The following RCC1L variants were observed in gnomAD, a reference collection of about 807,000 sequenced individuals.
RCC1L encodes RCC1 like, also known as RCC1-like G exchanging factor-like protein.
In RCC1L, 46 loss-of-function variants were observed where a neutral mutation model predicts 58.6. That is an observed-to-expected ratio of 0.79 (90% confidence interval 0.62 to 1.00). The LOEUF (loss-of-function observed/expected upper bound fraction) is 1.00. RCC1L is among the 50% of genes least tolerant of loss of function. RCC1L has a pLI of 0.00. For missense variants in RCC1L, 636 were observed against 623.6 expected, an observed-to-expected ratio of 1.02 and a Z score of -0.21; for synonymous variants, 281 against 262.9, an observed-to-expected ratio of 1.07 and a Z score of -0.67.
chr7:75,047,924 G>A (rs1385530275), intron 10 of RCC1L, among the ~76,000 whole-genome samples: 10 of 122,626 alleles, frequency 8.2e-5, no homozygotes, highest in African/African-American at 3.0e-4. Context: ...GGATTATAGA[G>A]ATGAGCCATA....
At chr7:75,070,549 A>G in intron 2 of RCC1L, 91 bp downstream of exon 2, 1 of 1,519,732 alleles carries the variant, frequency 6.6e-7, no homozygotes, top group Admixed American at 1.9e-5. Context: ...CTAGCCTGGC[A>G]ACAGACTGAG....
intron 3 of RCC1L, 179 bp from the exon 4 acceptor site, chr7:75,064,827 G>T: frequency 2.8e-6 from 2 of 702,192 alleles, no homozygotes; most frequent in Non-Finnish European, 2.6e-6. Flanking sequence ...GGGGCATGGG[G>T]GAATCTAGAC....
chr7:75,064,286 C>T (rs1806378654), intron 4 of RCC1L, among the ~76,000 whole-genome samples: 3 of 150,400 alleles, frequency 2.0e-5, no homozygotes, highest in Admixed American at 6.7e-5. Flanking sequence ...GCCGAGATTG[C>T]GCCTCTGCAC....
At chr7:75,048,658 G>A (rs1440074646) in intron 10 of RCC1L, among the ~76,000 whole-genome samples, 2 of 152,244 alleles carry the variant, frequency 1.3e-5, no homozygotes, top group African/African-American at 2.4e-5. Flanking sequence ...AAGCCAGGGC[G>A]CTCCCTGGGG....
rs1025120384 is a variant in RCC1L, at chr7:75,052,568, C to T, written c.1317+143G>A. 6.9e-5 allele frequency: 51 copies of T among 739,440 alleles called. No homozygotes were observed. In the African/African-American group the frequency reaches 7.8e-4, roughly 11 times the overall value. 45.8% of individuals were successfully genotyped at this position (739,440 alleles called of 1,614,324 possible). On this transcript the variant is annotated intron_variant, in intron 10 of 10. Coordinates refer to ENST00000610322, the MANE Select transcript of RCC1L (RefSeq NM_030798.5). The stretch of plus-strand genomic sequence containing the variant: ...GTGTGCAATGACATAGCATGCCGCG[C>T]TGCAGGAGTGCAGCCAGGACCCGGA...
intron 2 of RCC1L, 119 bp from the exon 3 acceptor site, chr7:75,066,911 G>C: frequency 1.5e-6 from 2 of 1,355,986 alleles, no homozygotes; most frequent in Non-Finnish European, 1.9e-6. Context: ...GACTCATCAA[G>C]ACAGGTAAGT....
In RCC1L at chr7:75,064,612, C is replaced by A; in HGVS notation, c.620G>T (p.Gly207Val). ...SMGNNSYGQC[G>V]RKVVENEIYS... ...AATTTCATTTTCGACCACCTTTCTT[C>A]CACATTGCCCATAAGAATTGTTTCC... Residue 207 changes from glycine to valine, a missense_variant, in exon 4 of 11, where the codon GGA (glycine) becomes GTA (valine). By Grantham distance (109) the Gly-to-Val change is moderately radical. Transcript: ENST00000610322. 2 of 1,613,884 alleles carry A rather than the reference C, an allele frequency of 1.2e-6. No homozygotes were observed. The highest frequency in any genetic ancestry group is 1.7e-4 in the Middle Eastern group (1 of 6,056).
Position 75,061,288 on chromosome 7 carries a change from C to A in RCC1L, c.706G>T (p.Ala236Ser). ...AACAGACTATGATCCTGACCACAGG[C>A]GACCTAGCAGACAAACAGAGGTAAG... ...QDFDGQVVQVACGQDHSLFLT... is the reference protein window; with the variant it reads ...QDFDGQVVQVSCGQDHSLFLT... Residue 236 changes from alanine (A) to serine (S), a missense_variant, in exon 6 of 11, where the codon GCC (alanine) becomes TCC (serine). Transcript: ENST00000610322. The A allele has an allele frequency of 6.2e-7, 1 of 1,613,450 alleles. No individual in the cohort carries two copies. Among genetic ancestry groups the A allele is most frequent in the Non-Finnish European group, 8.5e-7 (1 of 1,179,624 alleles).
chr7:75,028,090 A>C, intron 10 of RCC1L: 1 of 1,499,820 alleles, frequency 6.7e-7, no homozygotes, highest in Non-Finnish European at 8.9e-7. Context: ...CTGGCGGGGG[A>C]GGAAGAGGGC....
At chr7:75,032,330 C>T (rs1254464376) in intron 10 of RCC1L, among the ~76,000 whole-genome samples, 1 of 152,170 alleles carries the variant, frequency 6.6e-6, no homozygotes, top group African/African-American at 2.4e-5. Context: ...AGAGCCTTGC[C>T]ATGGACATCA....
intron 10 of RCC1L, among the ~76,000 whole-genome samples, chr7:75,029,685 A>G (rs1390557944): frequency 4.6e-5 from 7 of 152,072 alleles, no homozygotes; most frequent in African/African-American, 1.4e-4. Context: ...AGCGCTTTGC[A>G]TGGGGATGGG....
In RCC1L at chr7:75,057,612, T is replaced by C; in HGVS notation, c.974A>G (p.Asn325Ser). Residue 325 changes from asparagine (N) to serine (S), a missense_variant, in exon 8 of 11, where the codon AAT becomes AGT. Asn to Ser is a conservative substitution (Grantham distance 46). Transcript: ENST00000610322. ...TGAGAAGTGTAAGCAGCGGGGCACATTCACCTGAACCAAAGAAAGGAGCCA... is the reference window on the plus strand; with the variant it reads ...TGAGAAGTGTAAGCAGCGGGGCACACTCACCTGAACCAAAGAAAGGAGCCA... Reference protein sequence around the residue: ...LASVTDSTQVNVPRCLHFSGV... With the variant: ...LASVTDSTQVSVPRCLHFSGV... 1 of 1,613,898 alleles carries C rather than the reference T, an allele frequency of 6.2e-7. No homozygotes were observed. Among genetic ancestry groups the C allele is most frequent in the Admixed American group, 1.7e-5 (1 of 59,996 alleles).
intron 10 of RCC1L, among the ~76,000 whole-genome samples, chr7:75,028,989 TCCGGAAG>T (rs1462328719): frequency 2.0e-5 from 3 of 149,764 alleles, no homozygotes; most frequent in Non-Finnish European, 3.0e-5. Flanking sequence ...CAGTGTGGCC[TCCGGAAG>T]CAGCAGCGTA....
intron 8 of RCC1L, 103 bp from the exon 9 acceptor site, chr7:75,056,177 T>G: frequency 1.5e-6 from 2 of 1,348,326 alleles, no homozygotes; most frequent in Non-Finnish European, 2.1e-6. Flanking sequence ...TCCACACGGT[T>G]TTTTTTTGTT....
chr7:75,047,874 T>G (rs1805776904), intron 10 of RCC1L, among the ~76,000 whole-genome samples: 1 of 145,058 alleles, frequency 6.9e-6, no homozygotes, highest in Non-Finnish European at 1.5e-5. Flanking sequence ...ATCGAACTCC[T>G]GACCCCATGA....
chr7:75,042,543 C>CA lies in RCC1L; in HGVS notation c.*488dup. 1.0e-6 allele frequency: 1 copy of CA among 995,870 alleles called. No homozygotes were observed. The highest frequency in any genetic ancestry group is 4.4e-5 in the South Asian group (1 of 22,682). 61.7% of individuals were successfully genotyped at this position (995,870 alleles called of 1,614,324 possible). ...GCAGGCGGCCAGGAAGGGCCATGAGCAGGGTGGCCTGAATGAAAACCGAGG... is the reference window on the plus strand; with the variant it reads ...GCAGGCGGCCAGGAAGGGCCATGAGCAAGGGTGGCCTGAATGAAAACCGAGG... On this transcript the variant is annotated 3_prime_UTR_variant, in exon 11 of 11. Transcript: ENST00000610322.
intron 10 of RCC1L, 146 bp downstream of exon 10, chr7:75,052,565 G>A (rs1405295548): frequency 6.7e-5 from 48 of 717,586 alleles, no homozygotes; most frequent in Admixed American, 1.1e-4. Context: ...ATAGCATGCC[G>A]CGCTGCAGGA....
At chr7:75,064,469 G>T in intron 4 of RCC1L, 113 bp downstream of exon 4, 1 of 1,146,292 alleles carries the variant, frequency 8.7e-7, no homozygotes, top group Non-Finnish European at 1.3e-6. Context: ...AGTTCTCACG[G>T]CCCCCTCTCA....
intron 10 of RCC1L, among the ~76,000 whole-genome samples, chr7:75,032,884 C>T (rs1805342443): frequency 6.6e-6 from 1 of 151,774 alleles, no homozygotes; most frequent in African/African-American, 2.4e-5. Flanking sequence ...CCACCCTGGT[C>T]AACATAGTGT....
Sources: gnomAD v4.1 joint callset for allele counts (sites outside exome capture counted in the v4.1 genomes callset) on GRCh38, gnomAD v4.1.1 for gene constraint, MANE v1.5 for transcripts, NCBI Gene and HGNC (gene_info 2026-07-23, HGNC 2026-07-21) for gene names.